MMP26: variants seen among roughly 807,000 people sequenced by gnomAD.
The protein encoded by MMP26 is matrix metallopeptidase 26.
Under a neutral mutation model 31.0 loss-of-function variants are expected in MMP26, and 33 were observed. The observed-to-expected ratio is 1.06, with a 90% confidence interval of 0.81 to 1.42. MMP26 has a LOEUF of 1.42. Ranked by LOEUF, MMP26 falls within the 40% of genes most tolerant of loss-of-function variation. The pLI, the probability that MMP26 is intolerant of heterozygous loss-of-function variation, is 0.00. For missense variants in MMP26, 347 were observed against 316.1 expected (o/e 1.10, Z -0.74); for synonymous variants, 122 against 114.9 (o/e 1.06, Z -0.40).
chr11:4,915,165 TA>T (rs1851060547), intron 2 of MMP26: 1 of 1,613,622 alleles, frequency 6.2e-7, no homozygotes, highest in Non-Finnish European at 8.5e-7. Context: ...CTTTTGAGCA[TA>T]AAAGGTAATG....
At chr11:4,987,041 C>T (rs115140289) in intron 2 of MMP26, among the ~76,000 whole-genome samples, 4,183 of 147,396 alleles carry the variant, frequency 0.028, 212 homozygotes, top group African/African-American at 0.098. Flanking sequence ...GCCACATGCT[C>T]GGCTACTTTT....
chr11:4,908,376 T>C (rs1260391182), intron 2 of MMP26: 1 of 1,323,480 alleles, frequency 7.6e-7, no homozygotes, highest in Admixed American at 1.7e-5. Context: ...ATGTGCTTAA[T>C]GCCATAGAAG....
intron 1 of MMP26, among the ~76,000 whole-genome samples, chr11:4,749,726 C>T (rs1418730953): frequency 2.0e-5 from 3 of 151,992 alleles, no homozygotes; most frequent in Non-Finnish European, 4.4e-5. Context: ...ATTGGATTGC[C>T]AATATGCAGA....
chr11:4,877,805 T>C (rs1386029524), intron 2 of MMP26: 1 of 152,126 alleles, frequency 6.6e-6, no homozygotes, highest in Non-Finnish European at 1.5e-5. Flanking sequence ...TGCATAATGG[T>C]TTTCATGAGA....
chr11:4,874,786 G>A (rs1850357579), intron 2 of MMP26, among the ~76,000 whole-genome samples: 1 of 152,076 alleles, frequency 6.6e-6, no homozygotes, highest in Non-Finnish European at 1.5e-5. Flanking sequence ...TGAAATGGAA[G>A]AGAATTGATT....
chr11:4,958,283 G>A (rs985303196), intron 2 of MMP26, among the ~76,000 whole-genome samples: 16 of 152,244 alleles, frequency 1.1e-4, no homozygotes, highest in South Asian at 4.1e-4. Context: ...AATTCCTGCC[G>A]TTTTTACCTC....
chr11:4,717,980 G>GT, intron 1 of MMP26, among the ~76,000 whole-genome samples: 1 of 152,130 alleles, frequency 6.6e-6, no homozygotes, highest in South Asian at 2.1e-4. Context: ...ATAAGTATAT[G>GT]TTTTTATATC....
intron 2 of MMP26, among the ~76,000 whole-genome samples, chr11:4,878,912 A>T (rs1214092702): frequency 6.6e-6 from 1 of 152,050 alleles, no homozygotes; most frequent in African/African-American, 2.4e-5. Context: ...TCATACGTAT[A>T]TAGTGAGAAT....
chr11:4,848,336 A>T (rs565825958), intron 2 of MMP26: 18 of 1,613,934 alleles, frequency 1.1e-5, no homozygotes, highest in African/African-American at 2.7e-5. Context: ...TTATCAATGG[A>T]GGAAGAAGGA....
At chr11:4,798,995 T>C (rs1283206104) in intron 2 of MMP26, among the ~76,000 whole-genome samples, 1 of 152,074 alleles carries the variant, frequency 6.6e-6, no homozygotes, top group African/African-American at 2.4e-5. Context: ...TTTAATACGG[T>C]TTTGTCTGGC....
intron 2 of MMP26, among the ~76,000 whole-genome samples, chr11:4,834,033 A>T (rs1849682146): frequency 6.6e-6 from 1 of 152,174 alleles, no homozygotes; most frequent in Non-Finnish European, 1.5e-5. Context: ...GAACTAAAAA[A>T]AATAGTCTAA....
intron 1 of MMP26, among the ~76,000 whole-genome samples, chr11:4,713,014 A>G (rs1484712791): frequency 6.6e-6 from 1 of 152,058 alleles, no homozygotes; most frequent in Non-Finnish European, 1.5e-5. Context: ...AGAGTAGGCG[A>G]TAGGGTGTTG....
chr11:4,968,091 A>G (rs372673854), intron 2 of MMP26, among the ~76,000 whole-genome samples: 1 of 152,134 alleles, frequency 6.6e-6, no homozygotes, highest in South Asian at 2.1e-4. Context: ...TAAAGATCCA[A>G]TAAGAGTTAG....
chr11:4,737,409 C>T (rs537546969), intron 1 of MMP26, among the ~76,000 whole-genome samples: 25 of 152,170 alleles, frequency 1.6e-4, no homozygotes, highest in African/African-American at 3.9e-4. Context: ...TTTGGGAGGC[C>T]GAGGTGGGTG....
chr11:4,816,020 C>T (rs960608878), intron 2 of MMP26, among the ~76,000 whole-genome samples: 5 of 152,186 alleles, frequency 3.3e-5, no homozygotes, highest in South Asian at 2.1e-4. Flanking sequence ...TTGCTATAAA[C>T]GTCCCTCCCA....
intron 2 of MMP26, among the ~76,000 whole-genome samples, chr11:4,925,542 G>A (rs1311471524): frequency 6.6e-6 from 1 of 152,100 alleles, no homozygotes; most frequent in African/African-American, 2.4e-5. Context: ...CGATTGTGGT[G>A]TGACTGAGGG....
intron 2 of MMP26, among the ~76,000 whole-genome samples, chr11:4,813,333 A>C (rs1849376278): frequency 6.6e-6 from 1 of 152,094 alleles, no homozygotes; most frequent in Non-Finnish European, 1.5e-5. Flanking sequence ...AAGAAACCGG[A>C]AATAGCTTTA....
At chr11:4,781,797 G>A (rs1258139794) in intron 2 of MMP26, among the ~76,000 whole-genome samples, 2 of 151,992 alleles carry the variant, frequency 1.3e-5, no homozygotes, top group Non-Finnish European at 2.9e-5. Flanking sequence ...GAATTATGGG[G>A]GCAGGTCTTT....
intron 2 of MMP26, among the ~76,000 whole-genome samples, chr11:4,872,367 C>A (rs1382429646): frequency 6.6e-6 from 1 of 152,060 alleles, no homozygotes; most frequent in South Asian, 2.1e-4. Flanking sequence ...TTTTTCATTT[C>A]CTTCTCCTTT....
Sources: allele counts gnomAD v4.1 joint callset (sites outside exome capture counted in the v4.1 genomes callset), GRCh38; gene constraint gnomAD v4.1.1; transcripts MANE v1.5; gene names NCBI Gene and HGNC (gene_info 2026-07-23, HGNC 2026-07-21).